Variants in SMCHD1 observed in about 807,000 individuals in gnomAD.
SMCHD1 encodes structural maintenance of chromosomes flexible hinge domain-containing protein 1.
In SMCHD1, 78 loss-of-function variants were observed where a neutral mutation model predicts 254.7. The observed-to-expected ratio is 0.31, with a 90% CI of 0.26 to 0.37. The LOEUF (loss-of-function observed/expected upper bound fraction) is 0.37, where lower values mean the gene tolerates loss of function less well. Ranked by LOEUF, SMCHD1 falls within the 10% of genes least tolerant of loss-of-function variation. SMCHD1 has a pLI of 1.00. For missense variants in SMCHD1, 1,840 were observed against 2,408.1 expected (o/e 0.76, Z 4.94); for synonymous variants, 766 against 794.9 (o/e 0.96, Z 0.61).
At chr18:2,791,043 A>G (rs1371055827) in intron 45 of SMCHD1, among the ~76,000 whole-genome samples, 1 of 152,236 alleles carries the variant, frequency 6.6e-6, no homozygotes, top group Non-Finnish European at 1.5e-5. Context: ...GAATTTATTA[A>G]GGGAGAAAGT....
intron 29 of SMCHD1, among the ~76,000 whole-genome samples, chr18:2,745,720 A>T (rs1337551391): frequency 1.3e-5 from 2 of 152,214 alleles, no homozygotes; most frequent in East Asian, 3.8e-4. Context: ...TTGGGGGACA[A>T]ATATAAAAAA....
chr18:2,745,358 G>C (rs951066277), intron 29 of SMCHD1, among the ~76,000 whole-genome samples: 2 of 152,120 alleles, frequency 1.3e-5, no homozygotes, highest in Admixed American at 1.3e-4. Flanking sequence ...CACAATCATG[G>C]TAGTAGGTGA....
Position 2,729,331 on chromosome 18 carries a change from C to A in SMCHD1, c.2970C>A (p.Thr990=). Residue 990 remains threonine (T), a synonymous_variant, in exon 24 of 48, where the codon ACC becomes ACA. Coordinates refer to ENST00000320876, the MANE Select transcript of SMCHD1 (RefSeq NM_015295.3). ...TTGTAGATTGCAGTAGTTCTGGAACCAGTATTTTAACAGGATCTGCAATTC... is the reference window on the plus strand; with the variant it reads ...TTGTAGATTGCAGTAGTTCTGGAACAAGTATTTTAACAGGATCTGCAATTC... The part of the protein sequence containing the change: ...VYVVDCSSSG[T]SILTGSAIQV... 1 of 1,560,824 alleles carries A rather than the reference C, an allele frequency of 6.4e-7. No individual in the cohort carries two copies. The highest frequency in any genetic ancestry group is 1.2e-5 in the South Asian group (1 of 83,696).
At chr18:2,678,839 GTTTGTTTGTTT>G (rs2073845259) in intron 5 of SMCHD1, among the ~76,000 whole-genome samples, 2 of 11,702 alleles carry the variant, frequency 1.7e-4, no homozygotes, top group Non-Finnish European at 1.1e-3. Flanking sequence ...TTTTTTTTTT[GTTTGTTTGTTT>G]TTTTGTTTTT....
chr18:2,700,502 C>A, intron 10 of SMCHD1, 37 bp from the exon 11 acceptor site: 1 of 1,562,438 alleles, frequency 6.4e-7, no homozygotes. Context: ...CACATTTTAG[C>A]AATAAACATT....
intron 1 of SMCHD1, among the ~76,000 whole-genome samples, chr18:2,658,546 A>G (rs1272678405): frequency 2.0e-5 from 3 of 152,110 alleles, no homozygotes; most frequent in African/African-American, 7.2e-5. Context: ...CTCCCACTTT[A>G]TCCTGCTAGA....
chr18:2,776,183 C>T (rs2076063148), intron 42 of SMCHD1, among the ~76,000 whole-genome samples: 1 of 152,028 alleles, frequency 6.6e-6, no homozygotes, highest in Non-Finnish European at 1.5e-5. Flanking sequence ...AACGTATACA[C>T]ACAAAGACAT....
In SMCHD1 at chr18:2,707,352, GT is replaced by G. The variant is rs375152655; in HGVS notation, c.2064-200del. On this transcript the variant is annotated intron_variant, in intron 15 of 47. Transcript: ENST00000320876. ...AGTTTCTGGCTTTTAATTCCAAAAGGTTTTTTTTTTTCTTCTTCTTTTTTTT... is the reference window on the plus strand; with the variant it reads ...AGTTTCTGGCTTTTAATTCCAAAAGGTTTTTTTTTTCTTCTTCTTTTTTTT... 0.03 allele frequency: 8,778 copies of G among 291,800 alleles called. 82 individuals are homozygous for G. Among genetic ancestry groups the G allele is most frequent in the Middle Eastern group, 0.081 (82 of 1,014 alleles). The allele number at this position is 291,800 out of a possible 1,614,324, so 18.1% of individuals were successfully genotyped here. A position where few individuals can be genotyped will look rare whatever the true frequency, so the allele number is the denominator to read the frequency against.
intron 10 of SMCHD1, 112 bp from the exon 11 acceptor site, chr18:2,700,418 CAAACAGTAT>C (rs1482131198): frequency 3.7e-6 from 4 of 1,074,742 alleles, no homozygotes; most frequent in Non-Finnish European, 5.2e-6. Context: ...TTTTTGTGGG[CAAACAGTAT>C]AAAACTACCT....
chr18:2,767,004 A>G (rs1177124263), intron 37 of SMCHD1, among the ~76,000 whole-genome samples: 1 of 152,220 alleles, frequency 6.6e-6, no homozygotes, highest in Non-Finnish European at 1.5e-5. Flanking sequence ...TCATGCCTAT[A>G]ACCTTAACAC....
At chr18:2,661,735 G>T (rs566903573) in intron 1 of SMCHD1, among the ~76,000 whole-genome samples, 3 of 152,290 alleles carry the variant, frequency 2.0e-5, no homozygotes, top group Non-Finnish European at 2.9e-5. Flanking sequence ...AGAGAATAAG[G>T]TGCTAGCATT....
At chr18:2,674,436 C>G (rs2073694104) in intron 5 of SMCHD1, among the ~76,000 whole-genome samples, 1 of 152,130 alleles carries the variant, frequency 6.6e-6, no homozygotes, top group South Asian at 2.1e-4. Flanking sequence ...GCCTCTGTAG[C>G]AGTAGAATCA....
chr18:2,796,569 T>G (rs929789215), intron 47 of SMCHD1, 48 bp downstream of exon 47: 22 of 1,242,660 alleles, frequency 1.8e-5, no homozygotes. Context: ...TTACCAAAGT[T>G]CTTGGGTCTC....
chr18:2,777,781 C>T (rs1178923503), intron 42 of SMCHD1, 25 bp from the exon 43 acceptor site: 1 of 1,314,864 alleles, frequency 7.6e-7, no homozygotes, highest in East Asian at 2.5e-5. Flanking sequence ...GCTTTAATAT[C>T]TTTTTAAAAT....
At chr18:2,695,767 G>T (rs1431213489) in intron 8 of SMCHD1, among the ~76,000 whole-genome samples, 1 of 151,854 alleles carries the variant, frequency 6.6e-6, no homozygotes, top group African/African-American at 2.4e-5. Context: ...AAAGGCTATT[G>T]TTCTTGAGAG....
At chr18:2,733,965 G>A (rs907750794) in intron 25 of SMCHD1, among the ~76,000 whole-genome samples, 2 of 152,160 alleles carry the variant, frequency 1.3e-5, no homozygotes, top group African/African-American at 2.4e-5. Context: ...GAGTTAACAT[G>A]TTTGGCACTA....
At chr18:2,661,824 A>G (rs577301523) in intron 1 of SMCHD1, among the ~76,000 whole-genome samples, 21 of 152,320 alleles carry the variant, frequency 1.4e-4, no homozygotes, top group African/African-American at 5.1e-4. Context: ...GAACTATTAT[A>G]TGCAGTTATC....
chr18:2,799,774 T>C (rs2076326960), intron 47 of SMCHD1, among the ~76,000 whole-genome samples: 1 of 152,184 alleles, frequency 6.6e-6, no homozygotes. Context: ...CCTTTTTTTT[T>C]CTTTCCCTAT....
intron 45 of SMCHD1, among the ~76,000 whole-genome samples, chr18:2,788,985 C>A (rs1243179482): frequency 6.6e-6 from 1 of 151,878 alleles, no homozygotes; most frequent in Non-Finnish European, 1.5e-5. Context: ...TTGTTTTATT[C>A]AAATGAATAT....
Sources: gnomAD v4.1 joint callset for allele counts (sites outside exome capture counted in the v4.1 genomes callset) on GRCh38, gnomAD v4.1.1 for gene constraint, MANE v1.5 for transcripts, NCBI Gene and HGNC (gene_info 2026-07-23, HGNC 2026-07-21) for gene names.